The following SIPA1L3 variants were observed in gnomAD, a reference collection of about 807,000 sequenced individuals.
The protein encoded by SIPA1L3 is signal-induced proliferation-associated 1-like protein 3.
In SIPA1L3, 59 loss-of-function variants were observed where a neutral mutation model predicts 150.1. That is an observed-to-expected ratio of 0.39 (90% CI 0.32 to 0.49). The LOEUF (loss-of-function observed/expected upper bound fraction) is 0.49. SIPA1L3 is among the 20% of genes least tolerant of loss of function. The pLI is 0.86. For missense variants in SIPA1L3, 2,211 were observed against 2,489.5 expected (o/e 0.89, Z 2.38); for synonymous variants, 1,070 against 1,077.6 (o/e 0.99, Z 0.14).
At chr19:38,192,050 C>A (rs532973971) in intron 16 of SIPA1L3, 95 bp from the exon 17 acceptor site, 2 of 1,140,580 alleles carry the variant, frequency 1.8e-6, no homozygotes, top group South Asian at 1.5e-5. Flanking sequence ...TGTGGCCATG[C>A]GTCCCGTGGT....
chr19:38,183,423 G>T (rs1972605508), intron 16 of SIPA1L3, among the ~76,000 whole-genome samples: 1 of 152,114 alleles, frequency 6.6e-6, no homozygotes, highest in South Asian at 2.1e-4. Context: ...AGCAGACCGG[G>T]CTTGCTGGCA....
chr19:38,181,706 C>T (rs541474488), intron 15 of SIPA1L3, among the ~76,000 whole-genome samples: 3 of 151,756 alleles, frequency 2.0e-5, no homozygotes, highest in East Asian at 1.9e-4. Flanking sequence ...CTTAGCTGGG[C>T]GTGGTGGCAC....
chr19:38,023,266 AG>A (rs1282892943), intron 1 of SIPA1L3, among the ~76,000 whole-genome samples: 1 of 152,130 alleles, frequency 6.6e-6, no homozygotes, highest in African/African-American at 2.4e-5. Context: ...GCCGGGGGTC[AG>A]GGGGTACAGG....
intron 8 of SIPA1L3, 132 bp downstream of exon 8, chr19:38,110,516 C>T: frequency 3.2e-6 from 2 of 623,656 alleles, no homozygotes. Context: ...GTATACTCCC[C>T]ACACCATCTC....
intron 13 of SIPA1L3, among the ~76,000 whole-genome samples, chr19:38,154,662 C>T (rs915636485): frequency 9.2e-5 from 14 of 151,806 alleles, no homozygotes; most frequent in Non-Finnish European, 1.8e-4. Context: ...TGGCCAGGCT[C>T]GTCTCGAACT....
intron 16 of SIPA1L3, among the ~76,000 whole-genome samples, chr19:38,187,248 T>C (rs896202068): frequency 5.3e-5 from 8 of 151,784 alleles, no homozygotes; most frequent in Admixed American, 3.3e-4. Flanking sequence ...GGTCAGGAGT[T>C]TGAGACCAGC....
chr19:38,168,551 T>C (rs1389579682), intron 15 of SIPA1L3, among the ~76,000 whole-genome samples: 1 of 151,804 alleles, frequency 6.6e-6, no homozygotes, highest in Non-Finnish European at 1.5e-5. Context: ...AGAGAGTCTA[T>C]ACCAGGGGCC....
chr19:38,023,038 C>T (rs1232542343), intron 1 of SIPA1L3, among the ~76,000 whole-genome samples: 1 of 152,222 alleles, frequency 6.6e-6, no homozygotes, highest in Admixed American at 6.5e-5. Flanking sequence ...CCTGGCATTT[C>T]GGCCAATCTG....
Position 38,182,605 on chromosome 19 carries a change from C to G in SIPA1L3, c.4295C>G (p.Pro1432Arg), listed in dbSNP as rs1214292927. ...CCTCGGCCCTCCCAGCTGGCCCAGC[C>G]CAGCCCCTTTCAGCTCTCCGCCTCC... is the stretch of plus-strand genomic sequence containing the variant. ...ETPRPSQLAQ[P>R]SPFQLSASVP... The change falls in exon 16 of 22, where the codon CCC (proline) becomes CGC (arginine). Residue 1432 changes from proline to arginine, a missense_variant. By Grantham distance (103) the Pro-to-Arg change is moderately radical (BLOSUM62 -2). Around this residue, in one of 5 missense-constraint regions of SIPA1L3, gnomAD observed 806 missense variants for 870.1 expected, o/e 0.93. Coordinates refer to ENST00000222345, the MANE Select transcript of SIPA1L3 (RefSeq NM_015073.3). 1 of 1,614,226 alleles carries G rather than the reference C, an allele frequency of 6.2e-7. No individual in the cohort carries two copies. Among genetic ancestry groups the G allele is most frequent in the East Asian group, 2.2e-5 (1 of 44,888 alleles).
At position 38,010,931 on chromosome 19, in the gene SIPA1L3, A is replaced by G. The variant is rs140119959; in HGVS notation, c.-378-18158A>G. On this transcript the variant is annotated intron_variant, in intron 1 of 21. Coordinates refer to ENST00000222345, the MANE Select transcript of SIPA1L3 (RefSeq NM_015073.3). ...TGAACCCAGGGTACAACTCATGGCA[A>G]TGACCAACAAACAGGGTCTCTTTCT... Among the ~76,000 whole-genome samples the G allele has an allele frequency of 7.2e-5, 11 of 152,310 alleles. No homozygotes were observed. The East Asian group carries it at 1.9e-3, about 27-fold the overall frequency.
At chr19:38,023,474 T>C (rs986672845) in intron 1 of SIPA1L3, among the ~76,000 whole-genome samples, 1 of 152,230 alleles carries the variant, frequency 6.6e-6, no homozygotes, top group African/African-American at 2.4e-5. Context: ...CAAAGTCCTT[T>C]CCTCACTTAT....
intron 15 of SIPA1L3, among the ~76,000 whole-genome samples, chr19:38,169,158 G>A (rs1369908053): frequency 2.0e-5 from 3 of 152,128 alleles, no homozygotes; most frequent in Non-Finnish European, 2.9e-5. Context: ...GGAGGCCAAG[G>A]CAGGTGGATC....
At chr19:37,981,537 A>G (rs1967202812) in intron 1 of SIPA1L3, among the ~76,000 whole-genome samples, 1 of 151,880 alleles carries the variant, frequency 6.6e-6, no homozygotes, top group Admixed American at 6.6e-5. Flanking sequence ...GATTTTTGTC[A>G]CTTGCAAATG....
At chr19:37,991,570 C>T (rs1313329789) in intron 1 of SIPA1L3, among the ~76,000 whole-genome samples, 1 of 152,240 alleles carries the variant, frequency 6.6e-6, no homozygotes, top group Non-Finnish European at 1.5e-5. Flanking sequence ...CCTGGGCTGG[C>T]TTATGTACCC....
chr19:37,985,084 C>T (rs537958570), intron 1 of SIPA1L3, among the ~76,000 whole-genome samples: 10 of 152,164 alleles, frequency 6.6e-5, no homozygotes, highest in Admixed American at 3.9e-4. Context: ...GCTATTAAGA[C>T]GTTCAATTAT....
intron 3 of SIPA1L3, among the ~76,000 whole-genome samples, chr19:38,084,609 T>G (rs1376755529): frequency 3.9e-5 from 4 of 102,518 alleles, no homozygotes; most frequent in South Asian, 5.4e-4. Context: ...AGCAGCTAGG[T>G]TTTTTTTTGT....
At chr19:38,053,936 A>G (rs755801516) in intron 2 of SIPA1L3, among the ~76,000 whole-genome samples, 2 of 150,086 alleles carry the variant, frequency 1.3e-5, no homozygotes, top group Non-Finnish European at 3.0e-5. Flanking sequence ...AATGGCAAAA[A>G]CCGCAATTAC....
intron 1 of SIPA1L3, among the ~76,000 whole-genome samples, chr19:37,976,476 C>A (rs935783310): frequency 1.1e-4 from 17 of 152,146 alleles, no homozygotes; most frequent in African/African-American, 3.9e-4. Context: ...AATCCAGGTT[C>A]TTGGGTTGCA....
At position 38,019,442 on chromosome 19, in the gene SIPA1L3, C is replaced by T. The variant is rs567901474; in HGVS notation, c.-378-9647C>T. ...GGCACAAAAGCATAGTCCAGCTTTG[C>T]GTTTCTGCTGAGGAATTTTCCTCAA... On this transcript the variant is annotated intron_variant, in intron 1 of 21. Transcript: ENST00000222345. 1.1e-4 allele frequency among the ~76,000 whole-genome samples: 16 copies of T among 152,136 alleles called. 1 individual carries two copies. The highest frequency in any genetic ancestry group is 2.1e-4 in the South Asian group (1 of 4,826).
Sources: gnomAD v4.1 joint callset for allele counts (sites outside exome capture counted in the v4.1 genomes callset) on GRCh38, gnomAD v4.1.1 for gene constraint, gnomAD v4.1.1 regional missense constraint, MANE v1.5 for transcripts, NCBI Gene and HGNC (gene_info 2026-07-23, HGNC 2026-07-21) for gene names.